Variants in GALNT17 observed in about 807,000 individuals in gnomAD.
GALNT17 encodes UDP-GalNAc:polypeptide N-acetylgalactosaminyltransferase-like 3.
In GALNT17, 29 loss-of-function variants were observed where a neutral mutation model predicts 63.7. The ratio of observed to expected loss-of-function variants is 0.46; its 90% CI spans 0.34 to 0.62. The LOEUF is 0.62. GALNT17 is among the 20% of genes least tolerant of loss of function. The pLI is 0.01. For missense variants in GALNT17, 603 were observed against 799.6 expected (o/e 0.75, Z 2.97); for synonymous variants, 305 against 318.3 (o/e 0.96, Z 0.45).
intron 5 of GALNT17, among the ~76,000 whole-genome samples, chr7:71,440,056 T>TGC (rs1787037770): frequency 6.6e-6 from 1 of 151,110 alleles, no homozygotes; most frequent in Non-Finnish European, 1.5e-5. Flanking sequence ...GCAATTTTCC[T>TGC]GCCTTAGCCT....
At chr7:71,341,379 C>A (rs1792002501) in intron 2 of GALNT17, among the ~76,000 whole-genome samples, 1 of 152,114 alleles carries the variant, frequency 6.6e-6, no homozygotes, top group South Asian at 2.1e-4. Flanking sequence ...AGTCATCAAA[C>A]AAATGATGCA....
chr7:71,362,066 C>T (rs1001967627), intron 2 of GALNT17, among the ~76,000 whole-genome samples: 2 of 152,162 alleles, frequency 1.3e-5, no homozygotes, highest in African/African-American at 4.8e-5. Context: ...AAGAGATTCT[C>T]CTGCCTCAGC....
At chr7:71,201,241 T>TTTTATATATATATATATATATATA (rs1789163354) in intron 1 of GALNT17, among the ~76,000 whole-genome samples, 2 of 138,438 alleles carry the variant, frequency 1.4e-5, no homozygotes, top group African/African-American at 5.6e-5. Flanking sequence ...GTGTTTATTT[T>TTTTATATATATATATATATATATA]TATATATATA....
Position 71,327,545 on chromosome 7 carries a change from C to G in GALNT17, c.239-8005C>G, listed in dbSNP as rs561809121. 7.9e-5 allele frequency among the ~76,000 whole-genome samples: 12 copies of G among 152,182 alleles called. No homozygotes were observed. The South Asian group carries it at 1.9e-3, about 24-fold the overall frequency. ...AATGAGATTTGGGTGAGGACATAGC[C>G]AAACCATATCAGGTAGGATGCTGTA... is the stretch of plus-strand genomic sequence containing the variant. On this transcript the variant is annotated intron_variant, in intron 1 of 10. Transcript: ENST00000333538.
intron 1 of GALNT17, among the ~76,000 whole-genome samples, chr7:71,183,729 T>C (rs1796086): frequency 0.26 from 38,708 of 151,740 alleles, 9,153 homozygotes; most frequent in African/African-American, 0.64. Flanking sequence ...AAACCCCCAC[T>C]GTACGAAAAA....
intron 9 of GALNT17, among the ~76,000 whole-genome samples, chr7:71,690,853 A>G (rs1435306544): frequency 1.3e-5 from 2 of 152,232 alleles, no homozygotes; most frequent in African/African-American, 4.8e-5. Flanking sequence ...CTCATGATCA[A>G]ACATGAACAA....
intron 9 of GALNT17, among the ~76,000 whole-genome samples, chr7:71,678,750 G>A (rs1791189742): frequency 6.6e-6 from 1 of 150,926 alleles, no homozygotes; most frequent in African/African-American, 2.4e-5. Flanking sequence ...AGCCAAGATC[G>A]CAACACTGCA....
intron 5 of GALNT17, among the ~76,000 whole-genome samples, chr7:71,539,442 T>A: frequency 6.6e-6 from 1 of 152,194 alleles, no homozygotes; most frequent in African/African-American, 2.4e-5. Flanking sequence ...TTTGAACAGC[T>A]TGGTGTAGAG....
chr7:71,203,786 G>A (rs551718710), intron 1 of GALNT17, among the ~76,000 whole-genome samples: 1 of 152,232 alleles, frequency 6.6e-6, no homozygotes, highest in African/African-American at 2.4e-5. Flanking sequence ...GAGAGAGTGG[G>A]TCAGGAGGTA....
At chr7:71,555,575 G>A (rs989380224) in intron 5 of GALNT17, among the ~76,000 whole-genome samples, 16 of 152,002 alleles carry the variant, frequency 1.1e-4, no homozygotes, top group African/African-American at 3.6e-4. Flanking sequence ...AGATTTGGAA[G>A]GGAGAAACAT....
intron 2 of GALNT17, among the ~76,000 whole-genome samples, chr7:71,350,499 AG>A (rs1428923571): frequency 2.6e-5 from 4 of 152,208 alleles, no homozygotes; most frequent in African/African-American, 9.6e-5. Context: ...GAAAAATACT[AG>A]AAAAAAAATA....
chr7:71,595,805 C>T (rs1789877121), intron 6 of GALNT17, among the ~76,000 whole-genome samples: 2 of 151,970 alleles, frequency 1.3e-5, no homozygotes, highest in Non-Finnish European at 2.9e-5. Flanking sequence ...TTCCAATGAC[C>T]CCATCTTTCA....
At chr7:71,508,589 G>A (rs945441578) in intron 5 of GALNT17, among the ~76,000 whole-genome samples, 2 of 152,148 alleles carry the variant, frequency 1.3e-5, no homozygotes, top group Admixed American at 6.6e-5. Flanking sequence ...GACTCTCGGG[G>A]TGTTACTGGA....
At chr7:71,598,746 GGGTAATCAGA>G (rs917228329) in intron 6 of GALNT17, among the ~76,000 whole-genome samples, 15 of 152,116 alleles carry the variant, frequency 9.9e-5, no homozygotes, top group Admixed American at 4.6e-4. Context: ...GCCAGGCCTG[GGGTAATCAGA>G]GGTCTCTGAG....
At chr7:71,408,287 T>A (rs1331915076) in intron 3 of GALNT17, among the ~76,000 whole-genome samples, 2 of 152,136 alleles carry the variant, frequency 1.3e-5, no homozygotes. Context: ...ACGTGCCATA[T>A]GTGCTATGTT....
intron 8 of GALNT17, among the ~76,000 whole-genome samples, chr7:71,676,100 C>CT (rs1347320241): frequency 5.3e-5 from 8 of 152,190 alleles, no homozygotes; most frequent in African/African-American, 1.9e-4. Flanking sequence ...GCAACATGAC[C>CT]TTTTTCCCAC....
intron 5 of GALNT17, among the ~76,000 whole-genome samples, chr7:71,534,748 G>T (rs968980702): frequency 7.2e-5 from 11 of 152,164 alleles, no homozygotes; most frequent in African/African-American, 2.7e-4. Flanking sequence ...TTCAAGATGA[G>T]ATTTGAGTGG....
At chr7:71,334,113 C>T (rs994522335) in intron 1 of GALNT17, among the ~76,000 whole-genome samples, 4 of 152,060 alleles carry the variant, frequency 2.6e-5, no homozygotes, top group African/African-American at 7.2e-5. Context: ...GCATATTGGA[C>T]GGTGGAAATG....
chr7:71,288,536 G>A (rs1330421956), intron 1 of GALNT17, among the ~76,000 whole-genome samples: 2 of 152,180 alleles, frequency 1.3e-5, no homozygotes, highest in East Asian at 3.9e-4. Flanking sequence ...AATTAAGTAT[G>A]TATGTGCTCC....
Sources: allele counts gnomAD v4.1 joint callset (sites outside exome capture counted in the v4.1 genomes callset), GRCh38; gene constraint gnomAD v4.1.1; transcripts MANE v1.5; gene names NCBI Gene and HGNC (gene_info 2026-07-23, HGNC 2026-07-21).